Variants in DNAJC15 observed in about 807,000 individuals in gnomAD.
The protein encoded by DNAJC15 is DnaJ heat shock protein family (Hsp40) member C15.
Under a neutral mutation model 22.4 loss-of-function variants are expected in DNAJC15, and 27 were observed. The ratio of observed to expected loss-of-function variants is 1.20; its 90% CI spans 0.89 to 1.66. The LOEUF (loss-of-function observed/expected upper bound fraction) is 1.66. DNAJC15 is among the 40% of genes most tolerant of loss of function. The probability of loss-of-function intolerance (pLI) is 0.00; values close to 1 mark genes in which losing one functional copy is unlikely to be tolerated. For synonymous variants in DNAJC15, 79 were observed against 63.2 expected (o/e 1.25, Z -1.19); for missense variants, 208 against 187.1 (o/e 1.11, Z -0.65).
intron 3 of DNAJC15, among the ~76,000 whole-genome samples, chr13:43,072,047 G>T (rs1017001337): frequency 1.3e-5 from 2 of 152,172 alleles, no homozygotes; most frequent in African/African-American, 4.8e-5. Flanking sequence ...AAGCCTTAGT[G>T]CCTGAACTCC....
chr13:43,106,691 C>G (rs1489840497), intron 5 of DNAJC15, among the ~76,000 whole-genome samples: 1 of 151,518 alleles, frequency 6.6e-6, no homozygotes, highest in Non-Finnish European at 1.5e-5. Context: ...TTTAAACATA[C>G]ATTTTATTTT....
In DNAJC15 at chr13:43,082,254, C is replaced by CA. The variant is rs544235964; in HGVS notation, c.312-3513dup. ...CCAAGAACACCACTCCACATACCCC[C>CA]ACTGCCAGCCAGATGCATTCTAGGG... On this transcript the variant is annotated intron_variant, in intron 4 of 5. Transcript: ENST00000379221. Among the ~76,000 whole-genome samples, 5 of 152,070 alleles carry CA rather than the reference C, an allele frequency of 3.3e-5. No individual in the cohort carries two copies. The South Asian group carries it at 1.0e-3, about 32-fold the overall frequency.
At chr13:43,085,868 G>T in intron 5 of DNAJC15, 30 bp downstream of exon 5, 1 of 1,572,784 alleles carries the variant, frequency 6.4e-7, no homozygotes, top group Non-Finnish European at 8.7e-7. Flanking sequence ...TTCATAATAT[G>T]TATATCAAAA....
At chr13:43,065,911 G>T (rs77741650) in intron 2 of DNAJC15, among the ~76,000 whole-genome samples, 174 bp downstream of exon 2, 1 of 152,178 alleles carries the variant, frequency 6.6e-6, no homozygotes, top group East Asian at 1.9e-4. Flanking sequence ...GCAAAATCTA[G>T]ATAAACTTTA....
intron 5 of DNAJC15, among the ~76,000 whole-genome samples, chr13:43,097,320 T>C (rs1426786984): frequency 6.6e-6 from 1 of 152,102 alleles, no homozygotes; most frequent in Non-Finnish European, 1.5e-5. Flanking sequence ...CGAGAACATA[T>C]GGTTTGTTTC....
intron 3 of DNAJC15, among the ~76,000 whole-genome samples, chr13:43,073,178 T>G (rs1299308273): frequency 6.6e-6 from 1 of 152,338 alleles, no homozygotes; most frequent in East Asian, 1.9e-4. Flanking sequence ...AGCAGTTTGG[T>G]AGGGTTGCTT....
Position 43,110,336 on chromosome 13 carries a change from G to C in DNAJC15, c.*3088G>C, listed in dbSNP as rs2040818699. 6.6e-6 allele frequency: 1 copy of C among 152,240 alleles called. No individual in the cohort carries two copies. The highest frequency in any genetic ancestry group is 2.4e-5 in the African/African-American group (1 of 41,450). The allele number at this position is 152,240 out of a possible 1,614,324, so 9.4% of individuals were successfully genotyped here. On this transcript the variant is annotated 3_prime_UTR_variant, in exon 6 of 6. Coordinates refer to ENST00000379221, the MANE Select transcript of DNAJC15 (RefSeq NM_013238.3). ...TGTTCTGGGTCTGGAAACTGTCAGG[G>C]CATCACTTGTGCCATATTCAGTTGG... is the stretch of plus-strand genomic sequence containing the variant.
At chr13:43,091,987 A>G (rs922665086) in intron 5 of DNAJC15, among the ~76,000 whole-genome samples, 1 of 152,174 alleles carries the variant, frequency 6.6e-6, no homozygotes, top group Non-Finnish European at 1.5e-5. Context: ...TACTCTATGC[A>G]ATGTTCTAGA....
chr13:43,026,438 C>A (rs1433928337), intron 1 of DNAJC15, among the ~76,000 whole-genome samples: 1 of 152,200 alleles, frequency 6.6e-6, no homozygotes, highest in African/African-American at 2.4e-5. Flanking sequence ...TGCAACCAAA[C>A]AGGGCCTCAC....
At chr13:43,046,852 A>G (rs1427886674) in intron 1 of DNAJC15, among the ~76,000 whole-genome samples, 4 of 152,178 alleles carry the variant, frequency 2.6e-5, no homozygotes, top group African/African-American at 9.7e-5. Context: ...CAGGGTGTCC[A>G]CTGCGTTTCT....
At chr13:43,099,970 C>G (rs1031266784) in intron 5 of DNAJC15, among the ~76,000 whole-genome samples, 1 of 151,804 alleles carries the variant, frequency 6.6e-6, no homozygotes, top group Non-Finnish European at 1.5e-5. Flanking sequence ...AGGAAATGTT[C>G]TCTTTCTCTC....
At chr13:43,084,796 A>G (rs930215074) in intron 4 of DNAJC15, among the ~76,000 whole-genome samples, 3 of 152,176 alleles carry the variant, frequency 2.0e-5, no homozygotes, top group African/African-American at 7.2e-5. Flanking sequence ...TGTTTACAGC[A>G]TAGGCTTTAA....
At chr13:43,100,567 G>A (rs911644921) in intron 5 of DNAJC15, among the ~76,000 whole-genome samples, 2 of 151,958 alleles carry the variant, frequency 1.3e-5, no homozygotes, top group African/African-American at 4.8e-5. Context: ...CACTGCTATC[G>A]CTGTGTCCCA....
chr13:43,055,185 A>G (rs1337239864), intron 1 of DNAJC15, among the ~76,000 whole-genome samples: 3 of 151,976 alleles, frequency 2.0e-5, no homozygotes. Flanking sequence ...GATAAGCAAA[A>G]GAAGGCATCA....
intron 2 of DNAJC15, among the ~76,000 whole-genome samples, chr13:43,066,154 T>G (rs2040582519): frequency 6.6e-6 from 1 of 152,242 alleles, no homozygotes; most frequent in African/African-American, 2.4e-5. Context: ...CCGTGTAGTT[T>G]ATTGATTTGT....
rs1244467295 is a variant in DNAJC15, at chr13:43,111,394, C to T, written c.*4146C>T. ...GACATATAAGAGTTGCATTAATGGG[C>T]GTGCTTATGATTGATCACCCAGCAG... On this transcript the variant is annotated 3_prime_UTR_variant, in exon 6 of 6. Coordinates refer to ENST00000379221, the MANE Select transcript of DNAJC15 (RefSeq NM_013238.3). 1 of 152,086 alleles carries T rather than the reference C, an allele frequency of 6.6e-6. No homozygotes were observed. The highest frequency in any genetic ancestry group is 1.5e-5 in the Non-Finnish European group (1 of 68,018). The allele number at this position is 152,086 out of a possible 1,614,324, so 9.4% of individuals were successfully genotyped here.
At chr13:43,064,258 C>T (rs564026351) in intron 1 of DNAJC15, among the ~76,000 whole-genome samples, 12 of 152,342 alleles carry the variant, frequency 7.9e-5, no homozygotes, top group East Asian at 1.9e-4. Context: ...CACCTTCATG[C>T]GGCTGCCCTT....
intron 1 of DNAJC15, among the ~76,000 whole-genome samples, chr13:43,060,243 C>T (rs2040552094): frequency 1.3e-5 from 2 of 152,084 alleles, no homozygotes; most frequent in African/African-American, 4.8e-5. Flanking sequence ...GCGTGGGAAC[C>T]TACAGTTGGA....
chr13:43,057,288 C>G (rs1188264114), intron 1 of DNAJC15, among the ~76,000 whole-genome samples: 1 of 152,112 alleles, frequency 6.6e-6, no homozygotes, highest in East Asian at 1.9e-4. Context: ...TTCTTGGAGG[C>G]TTTGTTCCTT....
Sources: gnomAD v4.1 joint callset for allele counts (sites outside exome capture counted in the v4.1 genomes callset) on GRCh38, gnomAD v4.1.1 for gene constraint, MANE v1.5 for transcripts, NCBI Gene and HGNC (gene_info 2026-07-23, HGNC 2026-07-21) for gene names.